SEMA3A: variants seen among roughly 807,000 people sequenced by gnomAD.
SEMA3A encodes the protein semaphorin-3A.
In SEMA3A, 29 loss-of-function variants were observed where a neutral mutation model predicts 97.9. The ratio of observed to expected loss-of-function variants is 0.30; its 90% CI spans 0.22 to 0.40. The LOEUF is 0.40. Among genes scored for constraint, SEMA3A ranks in the 10% least tolerant of loss-of-function variants. The pLI is 1.00. For synonymous variants in SEMA3A, 321 were observed against 323.7 expected (o/e 0.99, Z 0.09); for missense variants, 763 against 951.3 (o/e 0.80, Z 2.60).
chr7:84,336,213 T>C (rs572859309), intron 2 of SEMA3A, among the ~76,000 whole-genome samples: 1 of 152,260 alleles, frequency 6.6e-6, no homozygotes, highest in South Asian at 2.1e-4. Flanking sequence ...AGGAAACTTT[T>C]CAAAACAGAG....
rs112874441 is a variant in SEMA3A at position 84,262,236 on chromosome 7, CAG to C, written c.-83+44969_-83+44970del. On this transcript the variant is annotated intron_variant, in intron 3 of 3. Coordinates refer to the SEMA3A transcript ENST00000424555. Reference sequence around the variant, plus strand: ...TGTTTTTTGTTTTTTGTTTTTGAGACAGAGTTTTGCTCTTTTTGCCCAGGATG... The same window carrying C: ...TGTTTTTTGTTTTTTGTTTTTGAGACAGTTTTGCTCTTTTTGCCCAGGATG... Among the ~76,000 whole-genome samples, 5 of 152,116 alleles carry C rather than the reference CAG, an allele frequency of 3.3e-5. 1 individual carries two copies. Among genetic ancestry groups the C allele is most frequent in the African/African-American group, 1.2e-4 (5 of 41,498 alleles).
At chr7:84,434,176 G>A (rs1306508899) in intron 1 of SEMA3A, among the ~76,000 whole-genome samples, 1 of 151,966 alleles carries the variant, frequency 6.6e-6, no homozygotes, top group East Asian at 1.9e-4. Context: ...AATTAGTGAT[G>A]TGGATCATTT....
At chr7:84,050,200 C>G (rs1387251260) in intron 5 of SEMA3A, among the ~76,000 whole-genome samples, 1 of 152,054 alleles carries the variant, frequency 6.6e-6, no homozygotes, top group African/African-American at 2.4e-5. Context: ...TTTATAGCAG[C>G]ATGATTTATT....
At chr7:84,448,125 G>A (rs1805469419) in intron 1 of SEMA3A, among the ~76,000 whole-genome samples, 2 of 152,272 alleles carry the variant, frequency 1.3e-5, no homozygotes, top group African/African-American at 2.4e-5. Flanking sequence ...TGTGGGTTCT[G>A]GGCCAGTACT....
At chr7:84,196,821 A>G (rs1479121877), upstream of SEMA3A, among the ~76,000 whole-genome samples, 2 of 152,142 alleles carry the variant, frequency 1.3e-5, no homozygotes, top group African/African-American at 2.4e-5. Flanking sequence ...AAATGCTTTA[A>G]GTAGTTTTAC....
intron 1 of SEMA3A, among the ~76,000 whole-genome samples, chr7:84,158,123 C>G (rs1371868814): frequency 6.3e-5 from 9 of 142,712 alleles, no homozygotes; most frequent in Admixed American, 1.4e-4. Flanking sequence ...TACATTGAAG[C>G]TTATGCTTAA....
intron 1 of SEMA3A, among the ~76,000 whole-genome samples, chr7:84,379,113 G>C (rs556009450): frequency 6.6e-6 from 1 of 152,078 alleles, no homozygotes; most frequent in Non-Finnish European, 1.5e-5. Flanking sequence ...ATTTTTAGTA[G>C]AGACAGGGTT....
Position 84,014,315 on chromosome 7 carries a change from C to T in SEMA3A, c.704G>A (p.Ser235Asn). The change falls in exon 7 of 17, where the codon AGT (serine) becomes AAT (asparagine). Residue 235 changes from serine to asparagine, a missense_variant. This residue lies in a region of SEMA3A where 678 missense variants were observed against 881.3 expected (regional missense o/e 0.77). Coordinates refer to ENST00000265362, the MANE Select transcript of SEMA3A (RefSeq NM_006080.3). Reference sequence around the variant, plus strand: ...TACTTTGTCATCTTCAGGATTGTCACTCTCTGAGATGAGGTGGGCACTAAT... The same window carrying T: ...TACTTTGTCATCTTCAGGATTGTCATTCTCTGAGATGAGGTGGGCACTAAT... ...KFISAHLISE[S>N]DNPEDDKVYF... 6.2e-7 allele frequency: 1 copy of T among 1,612,120 alleles called. No individual in the cohort carries two copies. The highest frequency in any genetic ancestry group is 8.5e-7 in the Non-Finnish European group (1 of 1,178,678).
chr7:84,409,615 C>T (rs1804205821), intron 1 of SEMA3A, among the ~76,000 whole-genome samples: 1 of 151,884 alleles, frequency 6.6e-6, no homozygotes, highest in Non-Finnish European at 1.5e-5. Context: ...TTTAACCATC[C>T]ATAGATACAA....
intron 1 of SEMA3A, among the ~76,000 whole-genome samples, chr7:84,445,139 T>G (rs1805376899): frequency 6.6e-6 from 1 of 152,110 alleles, no homozygotes; most frequent in Admixed American, 6.5e-5. Flanking sequence ...AATATGCATT[T>G]TCCATGAACA....
intron 4 of SEMA3A, among the ~76,000 whole-genome samples, chr7:84,067,102 C>T (rs899304481): frequency 6.6e-6 from 1 of 152,098 alleles, no homozygotes; most frequent in African/African-American, 2.4e-5. Flanking sequence ...GAACAGAGCC[C>T]TCAGAAATAA....
At chr7:84,084,036 T>C (rs1232067324) in intron 4 of SEMA3A, among the ~76,000 whole-genome samples, 4 of 152,064 alleles carry the variant, frequency 2.6e-5, no homozygotes, top group South Asian at 2.1e-4. Flanking sequence ...AAATTTCTGC[T>C]TGGCTGGGCA....
chr7:84,376,456 T>C (rs1339892573), intron 1 of SEMA3A, among the ~76,000 whole-genome samples: 1 of 141,762 alleles, frequency 7.1e-6, no homozygotes, highest in Non-Finnish European at 1.5e-5. Context: ...ACAAAAAAAT[T>C]AGCCGGGCGT....
intron 2 of SEMA3A, among the ~76,000 whole-genome samples, chr7:84,132,680 T>G (rs1446288621): frequency 5.2e-5 from 7 of 135,504 alleles, no homozygotes; most frequent in African/African-American, 8.1e-5. Context: ...TTTTTTTTTT[T>G]TTTTTTTTTT....
intron 1 of SEMA3A, among the ~76,000 whole-genome samples, chr7:84,375,239 C>G (rs986870124): frequency 6.6e-6 from 1 of 152,060 alleles, no homozygotes; most frequent in Non-Finnish European, 1.5e-5. Flanking sequence ...AGGCTGATCT[C>G]GAACTTCTGA....
intron 5 of SEMA3A, among the ~76,000 whole-genome samples, chr7:84,050,315 A>G (rs1444351373): frequency 1.3e-5 from 2 of 152,218 alleles, no homozygotes; most frequent in African/African-American, 2.4e-5. Context: ...ACTAGTTTAC[A>G]GTCCCACCAA....
At chr7:84,110,185 T>C (rs1175610755) in intron 4 of SEMA3A, among the ~76,000 whole-genome samples, 1 of 152,158 alleles carries the variant, frequency 6.6e-6, no homozygotes, top group Admixed American at 6.5e-5. Context: ...ACACCACACA[T>C]TCAGCCTGCT....
rs551596085 is a variant in SEMA3A, at chr7:84,142,424, G to A, written c.113-7473C>T. ...GTTCATTCCCATTTTTTTCTCATGA[G>A]GAAATTGACTCAGATAGGCTATCAG... On this transcript the variant is annotated intron_variant, in intron 1 of 16. Coordinates refer to ENST00000265362, the MANE Select transcript of SEMA3A (RefSeq NM_006080.3). 1.2e-3 allele frequency among the ~76,000 whole-genome samples: 186 copies of A among 152,154 alleles called. 1 individual carries two copies. The highest frequency in any genetic ancestry group is 4.3e-3 in the African/African-American group (177 of 41,520).
intron 3 of SEMA3A, among the ~76,000 whole-genome samples, chr7:84,226,030 T>C (rs1798983229): frequency 6.6e-6 from 1 of 152,174 alleles, no homozygotes; most frequent in African/African-American, 2.4e-5. Context: ...AATTTCAATA[T>C]GCATATTGCA....
Sources: allele counts gnomAD v4.1 joint callset (sites outside exome capture counted in the v4.1 genomes callset), GRCh38; gene constraint gnomAD v4.1.1; regional missense constraint gnomAD v4.1.1; transcripts MANE v1.5; gene names NCBI Gene and HGNC (gene_info 2026-07-23, HGNC 2026-07-21).